Variants in SCAPER observed in about 807,000 individuals in gnomAD.
SCAPER encodes S-phase cyclin A associated protein in the ER.
In SCAPER, 98 loss-of-function variants were observed where a neutral mutation model predicts 182.2. The ratio of observed to expected loss-of-function variants is 0.54; its 90% confidence interval spans 0.46 to 0.64. SCAPER has a LOEUF of 0.64. SCAPER is among the 30% of genes least tolerant of loss of function. SCAPER has a pLI of 0.00. For synonymous variants in SCAPER, 605 were observed against 564.6 expected (o/e 1.07, Z -1.01); for missense variants, 1,432 against 1,690.0 (o/e 0.85, Z 2.68).
intron 24 of SCAPER, among the ~76,000 whole-genome samples, chr15:76,487,215 G>A (rs2051737022): frequency 6.6e-6 from 1 of 151,664 alleles, no homozygotes; most frequent in Non-Finnish European, 1.5e-5. Flanking sequence ...AGAGGATCAG[G>A]AAAAAAAACT....
intron 4 of SCAPER, among the ~76,000 whole-genome samples, chr15:76,843,835 G>C (rs948175292): frequency 1.3e-5 from 2 of 152,014 alleles, no homozygotes; most frequent in African/African-American, 4.8e-5. Flanking sequence ...AACTAGTAGA[G>C]AGTTTTAAAA....
intron 25 of SCAPER, among the ~76,000 whole-genome samples, chr15:76,466,587 A>G (rs2049673798): frequency 6.6e-6 from 1 of 150,420 alleles, no homozygotes; most frequent in Non-Finnish European, 1.5e-5. Context: ...GTGAAGATTT[A>G]TTTTGCTCCT....
chr15:76,799,115 T>TAATATATAAATA (rs2065558917), intron 7 of SCAPER, among the ~76,000 whole-genome samples: 2 of 152,200 alleles, frequency 1.3e-5, no homozygotes, highest in African/African-American at 4.8e-5. Flanking sequence ...ATGTAATTTG[T>TAATATATAAATA]ATGACAATAA....
chr15:76,818,391 C>T (rs764960276), intron 5 of SCAPER, among the ~76,000 whole-genome samples: 2 of 152,042 alleles, frequency 1.3e-5, no homozygotes, highest in Non-Finnish European at 2.9e-5. Context: ...TTGGATGCAA[C>T]AATGAATTGT....
At chr15:76,794,254 C>G (rs2065181523) in intron 8 of SCAPER, among the ~76,000 whole-genome samples, 1 of 152,176 alleles carries the variant, frequency 6.6e-6, no homozygotes, top group Non-Finnish European at 1.5e-5. Flanking sequence ...CATGAATAAT[C>G]TGAAGTGGAC....
Position 76,511,119 on chromosome 15 carries a change from G to A in SCAPER, c.2839-6145C>T, listed in dbSNP as rs547733119. ...CTCAGGGGGAAAGGGTAGGAAGAGG[G>A]TGAGGGATAAAAGACTACAAATTTG... is the stretch of plus-strand genomic sequence containing the variant. On this transcript the variant is annotated intron_variant, in intron 23 of 31. Coordinates refer to ENST00000563290, the MANE Select transcript of SCAPER (RefSeq NM_020843.4). 7.9e-5 allele frequency among the ~76,000 whole-genome samples: 12 copies of A among 152,304 alleles called. No individual in the cohort carries two copies. The South Asian group carries it at 2.5e-3, about 32-fold the overall frequency.
intron 27 of SCAPER, among the ~76,000 whole-genome samples, chr15:76,391,174 T>C (rs1248914438): frequency 6.6e-6 from 1 of 152,198 alleles, no homozygotes; most frequent in Non-Finnish European, 1.5e-5. Context: ...CTTGCCATTC[T>C]TCTCAACTAG....
chr15:76,388,598 A>G (rs2043442746), intron 27 of SCAPER, among the ~76,000 whole-genome samples: 1 of 152,192 alleles, frequency 6.6e-6, no homozygotes, highest in Non-Finnish European at 1.5e-5. Flanking sequence ...GCTGGGCATG[A>G]GCCTGGATGA....
chr15:76,852,446 C>G (rs59311945), intron 4 of SCAPER, among the ~76,000 whole-genome samples: 1 of 152,014 alleles, frequency 6.6e-6, no homozygotes, highest in Admixed American at 6.5e-5. Context: ...GGACATAAAA[C>G]AATCCTCAGC....
At chr15:76,541,231 A>G (rs1054794477) in intron 23 of SCAPER, among the ~76,000 whole-genome samples, 1 of 151,954 alleles carries the variant, frequency 6.6e-6, no homozygotes, top group Admixed American at 6.6e-5. Flanking sequence ...TAAAAAATAT[A>G]TATCTAAATA....
intron 20 of SCAPER, among the ~76,000 whole-genome samples, chr15:76,676,615 A>C (rs1040129998): frequency 6.6e-6 from 1 of 152,130 alleles, no homozygotes; most frequent in African/African-American, 2.4e-5. Flanking sequence ...ACAAAATATC[A>C]GCAGTAAGAA....
rs1201908966 is a variant in SCAPER, at chr15:76,905,322, G to A, written c.-83C>T. The A allele has an allele frequency of 1.6e-5, 4 of 257,406 alleles. No homozygotes were observed. The Middle Eastern group carries it at 1.3e-3, about 86-fold the overall frequency. The allele number at this position is 257,406 out of a possible 1,614,324, so 15.9% of individuals were successfully genotyped here. On this transcript the variant is annotated 5_prime_UTR_variant, in exon 1 of 32. Transcript: ENST00000563290. ...ACCCCCGACCGCCCTGCTTAGTTCG[G>A]GGCGGCTCAAAGCGTCCCGCCGGGA...
At chr15:76,713,849 A>G (rs534828277) in intron 17 of SCAPER, among the ~76,000 whole-genome samples, 1 of 152,304 alleles carries the variant, frequency 6.6e-6, no homozygotes, top group African/African-American at 2.4e-5. Flanking sequence ...TTTGATATAC[A>G]TCTACTCTAC....
intron 25 of SCAPER, among the ~76,000 whole-genome samples, chr15:76,439,387 G>A (rs1035280869): frequency 6.6e-6 from 1 of 152,146 alleles, no homozygotes; most frequent in African/African-American, 2.4e-5. Flanking sequence ...GAAACTTCAA[G>A]GAGAAGGTAT....
chr15:76,573,254 G>A (rs2047576138), intron 23 of SCAPER, among the ~76,000 whole-genome samples: 1 of 152,118 alleles, frequency 6.6e-6, no homozygotes. Context: ...TGGTAAGAAA[G>A]GATCATATTG....
chr15:76,767,769 T>C (rs1040335453), intron 10 of SCAPER, among the ~76,000 whole-genome samples: 1 of 152,080 alleles, frequency 6.6e-6, no homozygotes, highest in Non-Finnish European at 1.5e-5. Flanking sequence ...AAACAAACTA[T>C]GTCAATAATT....
rs1262727151 is a variant in SCAPER, at chr15:76,862,529, G to A, written c.11C>T (p.Ser4Leu). Residue 4 changes from serine to leucine, a missense_variant, in exon 3 of 32, where the codon TCA becomes TTA. Physicochemically the swap from Ser to Leu is moderately radical, Grantham distance 145. Transcript: ENST00000563290. Reference sequence around the variant, plus strand: ...GTCATGACTATTGGAGCGCTGGAATGAAGCCTATGTATGGAAAAGATGGTA... The same window carrying A: ...GTCATGACTATTGGAGCGCTGGAATAAAGCCTATGTATGGAAAAGATGGTA... The part of the protein sequence containing the change: MMA[S>L]FQRSNSHDKV... The A allele has an allele frequency of 6.3e-7, 1 of 1,598,106 alleles. No homozygotes were observed. The highest frequency in any genetic ancestry group is 8.6e-7 in the Non-Finnish European group (1 of 1,166,612).
rs373879650 is a variant in SCAPER at position 76,701,851 on chromosome 15, T to A, written c.2415A>T (p.Val805=). 4.8e-5 allele frequency: 78 copies of A among 1,613,522 alleles called. No individual in the cohort carries two copies. In the African/African-American group the frequency reaches 9.6e-4, roughly 20 times the overall value. ...SLCNVLISSE[V]YLFSHVKGRK... ...TCCCTTTAACATGGCTAAAAAGATA[T>A]ACCTCTGAAGAGATCTGAAAGCACA... Residue 805 remains valine, a synonymous_variant, in exon 20 of 32, where the codon GTA becomes GTT. Coordinates refer to ENST00000563290, the MANE Select transcript of SCAPER (RefSeq NM_020843.4).
intron 22 of SCAPER, among the ~76,000 whole-genome samples, chr15:76,602,862 T>A (rs1411354236): frequency 8.5e-6 from 1 of 117,998 alleles, no homozygotes; most frequent in African/African-American, 2.5e-5. Context: ...CTAATCAGCC[T>A]ATCAATAGCA....
Sources: gnomAD v4.1 joint callset for allele counts (sites outside exome capture counted in the v4.1 genomes callset) on GRCh38, gnomAD v4.1.1 for gene constraint, MANE v1.5 for transcripts, NCBI Gene and HGNC (gene_info 2026-07-23, HGNC 2026-07-21) for gene names.